CSGALNACT1: variants seen among roughly 807,000 people sequenced by gnomAD.
CSGALNACT1 encodes beta4GalNAcT-1.
In CSGALNACT1, 52 loss-of-function variants were observed where a neutral mutation model predicts 51.0. That is an observed-to-expected ratio of 1.02 (90% confidence interval 0.82 to 1.29). CSGALNACT1 has a LOEUF of 1.29. Ranked by LOEUF, CSGALNACT1 falls within the 50% of genes most tolerant of loss-of-function variation. CSGALNACT1 has a pLI of 0.00. For synonymous variants in CSGALNACT1, 341 were observed against 254.4 expected (o/e 1.34, Z -3.24); for missense variants, 935 against 679.2 (o/e 1.38, Z -4.19).
At chr8:19,474,530 C>T (rs1354258795) in intron 4 of CSGALNACT1, among the ~76,000 whole-genome samples, 1 of 152,142 alleles carries the variant, frequency 6.6e-6, no homozygotes, top group Non-Finnish European at 1.5e-5. Context: ...TATGCTTCGG[C>T]TGACCCATCA....
intron 1 of CSGALNACT1, among the ~76,000 whole-genome samples, chr8:19,666,825 GAGAGAGAGAAAGAAAGAAAGAAAGAA>G (rs1203727046): frequency 5.4e-4 from 26 of 48,298 alleles, no homozygotes; most frequent in African/African-American, 9.1e-4. Context: ...GAGAGAGAGA[GAGAGAGAGAAAGAAAGAAAGAAAGAA>G]AGAAAGAAAG....
exon 5 of CSGALNACT1, chr8:19,458,546 G>C: frequency 6.2e-7 from 1 of 1,614,166 alleles, no homozygotes. Flanking sequence ...GGGGCCGAAT[G>C]GTCGAAATAA....
chr8:19,489,714 T>A (rs2153957137), intron 4 of CSGALNACT1, among the ~76,000 whole-genome samples: 1 of 152,304 alleles, frequency 6.6e-6, no homozygotes, highest in South Asian at 2.1e-4. Context: ...GAGGGTCCCA[T>A]ATTGTCTTTT....
At chr8:19,405,601 C>A in exon 10 of CSGALNACT1, 1 of 852,934 alleles carries the variant, frequency 1.2e-6, no homozygotes, top group Non-Finnish European at 1.9e-6. Context: ...GCAGGCAAAG[C>A]GGAGATTTTG....
At chr8:19,536,477 T>A (rs377161033) in intron 3 of CSGALNACT1, among the ~76,000 whole-genome samples, 30 of 152,276 alleles carry the variant, frequency 2.0e-4, no homozygotes, top group Middle Eastern at 3.4e-3. Context: ...TGTACATGCC[T>A]TATGTGCTGA....
intron 1 of CSGALNACT1, among the ~76,000 whole-genome samples, chr8:19,673,521 T>C (rs539596088): frequency 1.3e-5 from 2 of 152,322 alleles, no homozygotes; most frequent in Admixed American, 6.5e-5. Flanking sequence ...ACCACTCTTG[T>C]CTGTCTTCAA....
chr8:19,740,210 C>T (rs1403761028), intron 1 of CSGALNACT1, among the ~76,000 whole-genome samples: 1 of 152,216 alleles, frequency 6.6e-6, no homozygotes, highest in East Asian at 1.9e-4. Flanking sequence ...CCACAGGAAG[C>T]ACACACAAAT....
intron 5 of CSGALNACT1, among the ~76,000 whole-genome samples, chr8:19,444,617 A>T (rs1005245619): frequency 1.3e-5 from 2 of 152,200 alleles, no homozygotes; most frequent in African/African-American, 4.8e-5. Flanking sequence ...ATTTCTAAAG[A>T]TCCTTGAGCT....
At chr8:19,628,206 G>C (rs1486831729) in intron 1 of CSGALNACT1, among the ~76,000 whole-genome samples, 2 of 152,168 alleles carry the variant, frequency 1.3e-5, no homozygotes, top group Non-Finnish European at 2.9e-5. Flanking sequence ...GATTTACAAA[G>C]GAAAGAGGTT....
At chr8:19,478,235 A>G (rs1421846899) in intron 4 of CSGALNACT1, among the ~76,000 whole-genome samples, 4 of 152,014 alleles carry the variant, frequency 2.6e-5, no homozygotes, top group African/African-American at 9.7e-5. Flanking sequence ...TAACATGGTG[A>G]AACCCCGTCT....
intron 1 of CSGALNACT1, among the ~76,000 whole-genome samples, chr8:19,677,685 G>GT (rs1456190005): frequency 6.6e-6 from 1 of 152,130 alleles, no homozygotes; most frequent in Admixed American, 6.5e-5. Context: ...TCTTCATAAT[G>GT]TTTTTACTTC....
At chr8:19,426,625 T>C (rs891104642) in intron 6 of CSGALNACT1, among the ~76,000 whole-genome samples, 1 of 152,238 alleles carries the variant, frequency 6.6e-6, no homozygotes, top group Admixed American at 6.5e-5. Flanking sequence ...TTGAATTGTA[T>C]TATCAACTGA....
At chr8:19,553,890 A>C (rs1432437553) in intron 3 of CSGALNACT1, among the ~76,000 whole-genome samples, 1 of 145,346 alleles carries the variant, frequency 6.9e-6, no homozygotes, top group African/African-American at 2.7e-5. Flanking sequence ...CCGAACAAGA[A>C]AGAACTCGTA....
intron 4 of CSGALNACT1, among the ~76,000 whole-genome samples, chr8:19,477,334 A>T (rs2069980808): frequency 6.6e-6 from 1 of 152,202 alleles, no homozygotes; most frequent in Non-Finnish European, 1.5e-5. Flanking sequence ...GGTCCACTAA[A>T]CACGTGGACA....
chr8:19,730,932 G>C (rs771040281), intron 1 of CSGALNACT1, among the ~76,000 whole-genome samples: 4 of 152,132 alleles, frequency 2.6e-5, no homozygotes, highest in African/African-American at 7.2e-5. Flanking sequence ...CATTCTTCAT[G>C]CCACGAGGAC....
chr8:19,680,765 G>A (rs1303465045), intron 1 of CSGALNACT1, among the ~76,000 whole-genome samples: 7 of 151,974 alleles, frequency 4.6e-5, no homozygotes, highest in Non-Finnish European at 1.0e-4. Flanking sequence ...ACATCAAAAT[G>A]TACTCACACA....
intron 2 of CSGALNACT1, among the ~76,000 whole-genome samples, chr8:19,598,961 A>C (rs1402091201): frequency 6.6e-6 from 1 of 152,166 alleles, no homozygotes; most frequent in Admixed American, 6.5e-5. Context: ...ACAGGAACAC[A>C]CTACCATTGA....
intron 1 of CSGALNACT1, among the ~76,000 whole-genome samples, chr8:19,609,753 T>A (rs1172919801): frequency 2.0e-5 from 3 of 152,152 alleles, no homozygotes; most frequent in Non-Finnish European, 4.4e-5. Context: ...ATATTTTCGA[T>A]TTTGGTAATA....
chr8:19,588,531 C>T (rs2047145707), intron 3 of CSGALNACT1, among the ~76,000 whole-genome samples: 1 of 152,210 alleles, frequency 6.6e-6, no homozygotes, highest in Non-Finnish European at 1.5e-5. Flanking sequence ...CCATAAATTG[C>T]AGTGTGCCCA....
Sources: allele counts gnomAD v4.1 joint callset (sites outside exome capture counted in the v4.1 genomes callset), GRCh38; gene constraint gnomAD v4.1.1; transcripts MANE v1.5; gene names NCBI Gene and HGNC (gene_info 2026-07-23, HGNC 2026-07-21).